The following EMSY variants were observed in gnomAD, a reference collection of about 807,000 sequenced individuals.
EMSY encodes EMSY transcriptional repressor, BRCA2 interacting.
In EMSY, 26 loss-of-function variants were observed where a neutral mutation model predicts 134.6. That is an observed-to-expected ratio of 0.19 (90% CI 0.14 to 0.27). The LOEUF (loss-of-function observed/expected upper bound fraction) is 0.27, where lower values mean the gene tolerates loss of function less well. Among genes scored for constraint, EMSY ranks in the 10% least tolerant of loss-of-function variants. The pLI is 1.00. For missense variants in EMSY, 1,305 were observed against 1,611.4 expected (o/e 0.81, Z 3.26); for synonymous variants, 579 against 577.8 (o/e 1.00, Z -0.03).
At chr11:76,509,504 A>G (rs1950197780) in intron 9 of EMSY, among the ~76,000 whole-genome samples, 2 of 152,234 alleles carry the variant, frequency 1.3e-5, no homozygotes, top group East Asian at 3.8e-4. Flanking sequence ...AAAAAACAAA[A>G]AACAAAAACA....
chr11:76,544,913 T>C lies in EMSY; in HGVS notation c.3273+91T>C, dbSNP rs531730860. ...CACGACCCTATCATGATATCAGTGC[T>C]TTCTCCTGGCAAGAGGAAACCCAAA... On this transcript the variant is annotated intron_variant, in intron 19 of 20. Coordinates refer to ENST00000334736, the Ensembl canonical transcript of EMSY. 37 of 1,377,582 alleles carry C rather than the reference T, an allele frequency of 2.7e-5. No individual in the cohort carries two copies. The African/African-American group carries it at 5.2e-4, about 19-fold the overall frequency. The allele number at this position is 1,377,582 out of a possible 1,614,324, so 85.3% of individuals were successfully genotyped here. A position where few individuals can be genotyped will look rare whatever the true frequency, so the allele number is the denominator to read the frequency against.
At chr11:76,509,265 T>A (rs1950187744) in intron 9 of EMSY, among the ~76,000 whole-genome samples, 3 of 151,542 alleles carry the variant, frequency 2.0e-5, no homozygotes, top group African/African-American at 7.3e-5. Flanking sequence ...GGCCAAGGAG[T>A]GCAGATCACC....
At chr11:76,478,375 G>A (rs889578498) in intron 8 of EMSY, among the ~76,000 whole-genome samples, 12 of 132,886 alleles carry the variant, frequency 9.0e-5, no homozygotes, top group East Asian at 2.1e-4. Flanking sequence ...ACTGAGTCTC[G>A]CTCTGTTGCC....
downstream of EMSY, chr11:76,552,512 A>G (rs1951859798): frequency 1.3e-5 from 2 of 152,228 alleles, no homozygotes; most frequent in Admixed American, 6.5e-5. Context: ...TGCAAATGCT[A>G]CAGAATTTTT....
intron 4 of EMSY, among the ~76,000 whole-genome samples, chr11:76,454,376 T>C (rs528777270): frequency 1.3e-5 from 2 of 152,174 alleles, no homozygotes; most frequent in African/African-American, 4.8e-5. Context: ...GTGGTAGGTA[T>C]GCACTGTAGA....
chr11:76,449,223 G>C (rs753167008), intron 2 of EMSY, among the ~76,000 whole-genome samples: 1 of 152,158 alleles, frequency 6.6e-6, no homozygotes, highest in Non-Finnish European at 1.5e-5. Context: ...GGTATGTGAA[G>C]ATCTAAGGAT....
intron 20 of EMSY, among the ~76,000 whole-genome samples, chr11:76,547,554 T>C (rs1951698522): frequency 6.6e-6 from 1 of 152,208 alleles, no homozygotes; most frequent in African/African-American, 2.4e-5. Context: ...TCATTTTGCC[T>C]TGGATTTCTC....
chr11:76,473,209 C>T (rs560487039), intron 8 of EMSY, among the ~76,000 whole-genome samples: 38 of 152,256 alleles, frequency 2.5e-4, no homozygotes, highest in African/African-American at 8.7e-4. Context: ...ACATCAAGTA[C>T]ACATCCTCTT....
chr11:76,488,348 C>G lies in EMSY; in HGVS notation c.1109-7867C>G, dbSNP rs1334700158. Among the ~76,000 whole-genome samples, 3 of 152,080 alleles carry G rather than the reference C, an allele frequency of 2.0e-5. No homozygotes were observed. In the East Asian group the frequency reaches 5.8e-4, roughly 29 times the overall value. On this transcript the variant is annotated intron_variant, in intron 8 of 20. Transcript: ENST00000334736. ...AGGCGTGGTGGTGTACACCTGTAAT[C>G]GTAGCTACTCGGGAAGCCTGAGTCA...
chr11:76,453,230 A>T (rs1204123855), intron 3 of EMSY, 84 bp from the exon 4 acceptor site: 3 of 1,303,606 alleles, frequency 2.3e-6, no homozygotes. Context: ...TTCTCCCCCC[A>T]AAAATGTTGA....
intron 18 of EMSY, among the ~76,000 whole-genome samples, chr11:76,543,930 G>T (rs1163096565): frequency 2.0e-5 from 3 of 152,152 alleles, no homozygotes; most frequent in African/African-American, 7.2e-5. Context: ...TCATGAATAG[G>T]CCAGACGGCT....
intron 11 of EMSY, among the ~76,000 whole-genome samples, chr11:76,517,908 A>G (rs1950503140): frequency 6.6e-6 from 1 of 152,168 alleles, no homozygotes; most frequent in Non-Finnish European, 1.5e-5. Flanking sequence ...TGACACTTTT[A>G]TTCCAAAGAA....
chr11:76,480,266 A>G (rs1948919089), intron 8 of EMSY, among the ~76,000 whole-genome samples: 2 of 152,340 alleles, frequency 1.3e-5, no homozygotes, highest in South Asian at 2.1e-4. Flanking sequence ...GGAGGCACTC[A>G]TAAGTGCTGT....
chr11:76,513,042 C>G (rs1950332899), intron 9 of EMSY, among the ~76,000 whole-genome samples: 1 of 152,072 alleles, frequency 6.6e-6, no homozygotes, highest in South Asian at 2.1e-4. Flanking sequence ...TATGCTAGTC[C>G]TTTCATCCTA....
intron 6 of EMSY, among the ~76,000 whole-genome samples, chr11:76,462,603 T>C (rs924569236): frequency 2.6e-5 from 4 of 152,172 alleles, no homozygotes; most frequent in African/African-American, 9.7e-5. Context: ...TGTAGGATGA[T>C]GATTGCAGAA....
chr11:76,551,618 A>G (rs1041747872), downstream of EMSY: 4 of 152,456 alleles, frequency 2.6e-5, no homozygotes, highest in Non-Finnish European at 5.9e-5. Context: ...GCTAGGTGAT[A>G]ATGATTTACC....
At chr11:76,453,488 G>A in intron 4 of EMSY, 100 bp downstream of exon 4, 1 of 1,041,154 alleles carries the variant, frequency 9.6e-7, no homozygotes, top group South Asian at 1.5e-5. Context: ...AGTCTTTTAA[G>A]TAACAATATC....
intron 9 of EMSY, among the ~76,000 whole-genome samples, chr11:76,499,380 TG>T (rs1949771931): frequency 7.1e-6 from 1 of 141,616 alleles, no homozygotes; most frequent in South Asian, 2.4e-4. Context: ...CTCCACCTTC[TG>T]GGTTCACACC....
At chr11:76,495,872 T>G (rs1191703265) in intron 8 of EMSY, among the ~76,000 whole-genome samples, 1 of 152,188 alleles carries the variant, frequency 6.6e-6, no homozygotes, top group Non-Finnish European at 1.5e-5. Context: ...TCTTATATTA[T>G]TCACATTGAG....
Sources: gnomAD v4.1 joint callset for allele counts (sites outside exome capture counted in the v4.1 genomes callset) on GRCh38, gnomAD v4.1.1 for gene constraint, MANE v1.5 for transcripts, NCBI Gene and HGNC (gene_info 2026-07-23, HGNC 2026-07-21) for gene names.